Variants in VPS37C observed in about 807,000 individuals in gnomAD.
VPS37C encodes VPS37C subunit of ESCRT-I.
In VPS37C, 9 loss-of-function variants were observed where a neutral mutation model predicts 16.1. The observed-to-expected ratio is 0.56, with a 90% CI of 0.34 to 0.97. The LOEUF (loss-of-function observed/expected upper bound fraction) is 0.97. VPS37C is among the 50% of genes least tolerant of loss of function. The probability of loss-of-function intolerance (pLI) is 0.02; values close to 1 mark genes in which losing one functional copy is unlikely to be tolerated. For missense variants in VPS37C, 479 were observed against 472.7 expected (o/e 1.01, Z -0.12); for synonymous variants, 207 against 206.4 (o/e 1.00, Z -0.02).
At chr11:61,132,715 C>T in intron 4 of VPS37C, 176 bp from the exon 5 acceptor site, 1 of 837,658 alleles carries the variant, frequency 1.2e-6, no homozygotes, top group South Asian at 1.9e-5. Flanking sequence ...GCACTGTCTC[C>T]CTCACTAGAA....
At chr11:61,136,036 G>A (rs1055776384) in intron 2 of VPS37C, among the ~76,000 whole-genome samples, 16 of 152,158 alleles carry the variant, frequency 1.1e-4, no homozygotes, top group African/African-American at 3.9e-4. Context: ...TGAGTAGGGT[G>A]ACTATGGTCA....
rs958136374 is a variant in VPS37C at position 61,130,573 on chromosome 11, C to A, written c.*1247G>T. 4 of 260,996 alleles carry A rather than the reference C, an allele frequency of 1.5e-5. No individual in the cohort carries two copies. Among genetic ancestry groups the A allele is most frequent in the South Asian group, 1.4e-4 (4 of 28,430 alleles). The allele number at this position is 260,996 out of a possible 1,614,324, so 16.2% of individuals were successfully genotyped here. On this transcript the variant is annotated 3_prime_UTR_variant, in exon 5 of 5. Transcript: ENST00000301765. ...TACAACTTCCTAAGCAATAGCAGCT[C>A]CAGGCTCTTCCCTGAGACCTGGTTT...
intron 4 of VPS37C, 160 bp from the exon 5 acceptor site, chr11:61,132,699 GT>G (rs1861294136): frequency 2.2e-6 from 2 of 915,214 alleles, no homozygotes; most frequent in Non-Finnish European, 3.2e-6. Flanking sequence ...CTGACATATG[GT>G]ACATGCACTG....
rs556839904 is a variant in VPS37C at position 61,147,281 on chromosome 11, G to T, written c.-6-8446C>A. 2.0e-5 allele frequency among the ~76,000 whole-genome samples: 3 copies of T among 152,320 alleles called. No homozygotes were observed. The South Asian group carries it at 6.2e-4, about 32-fold the overall frequency. On this transcript the variant is annotated intron_variant, in intron 1 of 4. Coordinates refer to ENST00000301765, the MANE Select transcript of VPS37C (RefSeq NM_017966.5). ...TGGGGTGGGGGCACAGGCTGAACTCGCTGGAGCTTTGCTATCAGAACCAAG... is the reference window on the plus strand; with the variant it reads ...TGGGGTGGGGGCACAGGCTGAACTCTCTGGAGCTTTGCTATCAGAACCAAG...
chr11:61,140,555 C>T (rs1861457832), intron 1 of VPS37C, among the ~76,000 whole-genome samples: 1 of 152,332 alleles, frequency 6.6e-6, no homozygotes, highest in Non-Finnish European at 1.5e-5. Flanking sequence ...TCCAGCAAAG[C>T]TCACTGACCA....
intron 1 of VPS37C, among the ~76,000 whole-genome samples, chr11:61,147,071 A>T (rs1853218355): frequency 6.6e-6 from 1 of 152,186 alleles, no homozygotes; most frequent in East Asian, 1.9e-4. Context: ...AAGTTGTGAG[A>T]AACTGGGTGG....
chr11:61,146,184 T>A (rs1853204828), intron 1 of VPS37C, among the ~76,000 whole-genome samples: 1 of 152,186 alleles, frequency 6.6e-6, no homozygotes, highest in Non-Finnish European at 1.5e-5. Flanking sequence ...CCTGCTCGCA[T>A]TTCTCCACTC....
At chr11:61,155,432 G>A (rs1333903458) in intron 1 of VPS37C, among the ~76,000 whole-genome samples, 1 of 151,756 alleles carries the variant, frequency 6.6e-6, no homozygotes, top group African/African-American at 2.4e-5. Context: ...CCAGAAGTTT[G>A]AGGCCACAGT....
At chr11:61,159,734 ATAAAT>A (rs767812576) in intron 1 of VPS37C, among the ~76,000 whole-genome samples, 2 of 137,998 alleles carry the variant, frequency 1.4e-5, no homozygotes, top group African/African-American at 2.7e-5. Flanking sequence ...AAATAAATAA[ATAAAT>A]AAAAAATACA....
At chr11:61,160,358 AAG>A (rs1368575920) in intron 1 of VPS37C, among the ~76,000 whole-genome samples, 1 of 152,186 alleles carries the variant, frequency 6.6e-6, no homozygotes, top group Non-Finnish European at 1.5e-5. Flanking sequence ...ACAACAAAGT[AAG>A]AGTCTTTCTT....
At chr11:61,137,004 G>T (rs184067572) in intron 2 of VPS37C, among the ~76,000 whole-genome samples, 1 of 152,150 alleles carries the variant, frequency 6.6e-6, no homozygotes, top group Admixed American at 6.5e-5. Context: ...GTAAGACCCT[G>T]CCTAAAAAAA....
rs1460082703 is a variant in VPS37C, at chr11:61,132,134, G to T, written c.754C>A (p.Pro252Thr). 6.9e-7 allele frequency: 1 copy of T among 1,443,396 alleles called. No homozygotes were observed. The highest frequency in any genetic ancestry group is 9.1e-7 in the Non-Finnish European group (1 of 1,094,692). 89.4% of individuals were successfully genotyped at this position (1,443,396 alleles called of 1,614,324 possible). A position where few individuals can be genotyped will look rare whatever the true frequency, so the allele number is the denominator to read the frequency against. The change falls in exon 5 of 5, where the codon CCC (proline) becomes ACC (threonine). Residue 252 changes from proline to threonine, a missense_variant. Transcript: ENST00000301765. ...CAGGAGTAACCCGCAGCACCCCTGGGTCCAAGCTGGGCTGCCGGGTAAGTG... is the reference window on the plus strand; with the variant it reads ...CAGGAGTAACCCGCAGCACCCCTGGTTCCAAGCTGGGCTGCCGGGTAAGTG... ...GPTYPAAQLG[P>T]RGAAGYSWSP...
chr11:61,138,642 G>T, intron 2 of VPS37C, 95 bp downstream of exon 2: 1 of 1,199,926 alleles, frequency 8.3e-7, no homozygotes, highest in Non-Finnish European at 1.2e-6. Context: ...GATGAATTTG[G>T]CCAAAACTTC....
chr11:61,135,276 C>T (rs976529305), intron 2 of VPS37C, among the ~76,000 whole-genome samples: 1 of 152,240 alleles, frequency 6.6e-6, no homozygotes, highest in Non-Finnish European at 1.5e-5. Context: ...GTCCCAGCTA[C>T]AGGGGCCGAG....
At chr11:61,148,176 C>A (rs2134647561) in intron 1 of VPS37C, among the ~76,000 whole-genome samples, 1 of 152,292 alleles carries the variant, frequency 6.6e-6, no homozygotes, top group Non-Finnish European at 1.5e-5. Flanking sequence ...AGGATTCCAG[C>A]CTCCACCAGC....
intron 1 of VPS37C, among the ~76,000 whole-genome samples, chr11:61,142,887 T>C (rs1861495892): frequency 7.5e-6 from 1 of 133,830 alleles, no homozygotes; most frequent in Admixed American, 8.7e-5. Context: ...CGCACCAGCA[T>C]GGCACATGTA....
chr11:61,154,465 A>T (rs1474129573), intron 1 of VPS37C, among the ~76,000 whole-genome samples: 2 of 152,192 alleles, frequency 1.3e-5, no homozygotes, highest in African/African-American at 4.8e-5. Context: ...AGCAGATTAG[A>T]CAATGCAGAA....
chr11:61,139,518 A>T (rs757963681), intron 1 of VPS37C, among the ~76,000 whole-genome samples: 3 of 151,732 alleles, frequency 2.0e-5, no homozygotes, highest in Non-Finnish European at 4.4e-5. Flanking sequence ...CCCAAAGAGG[A>T]CATCGCTTTG....
chr11:61,160,617 GAA>G (rs1244115055), intron 1 of VPS37C, among the ~76,000 whole-genome samples: 3 of 152,168 alleles, frequency 2.0e-5, no homozygotes, highest in African/African-American at 7.2e-5. Context: ...GTGTAGCTGG[GAA>G]AGCACTGCCT....
Sources: allele counts gnomAD v4.1 joint callset (sites outside exome capture counted in the v4.1 genomes callset), GRCh38; gene constraint gnomAD v4.1.1; transcripts MANE v1.5; gene names NCBI Gene and HGNC (gene_info 2026-07-23, HGNC 2026-07-21).